The following MYO3A variants were observed in gnomAD, a reference collection of about 807,000 sequenced individuals.
The protein encoded by MYO3A is myosin-IIIa.
MYO3A carries 180 observed loss-of-function variants against 192.7 expected under a neutral mutation model. The observed-to-expected ratio is 0.93, with a 90% confidence interval of 0.83 to 1.06. The LOEUF is 1.06. Among genes scored for constraint, MYO3A ranks in the 50% least tolerant of loss-of-function variants. The probability of loss-of-function intolerance (pLI) is 0.00; values close to 1 mark genes in which losing one functional copy is unlikely to be tolerated. For synonymous variants in MYO3A, 628 were observed against 645.3 expected (o/e 0.97, Z 0.41); for missense variants, 1,896 against 1,905.0 (o/e 1.00, Z 0.09).
In MYO3A at chr10:26,201,271, A is replaced by G. The variant is rs767131198; in HGVS notation, c.4552A>G (p.Ile1518Val). 6.4e-7 allele frequency: 1 copy of G among 1,572,402 alleles called. No individual in the cohort carries two copies. The highest frequency in any genetic ancestry group is 8.7e-7 in the Non-Finnish European group (1 of 1,148,654). The change falls in exon 33 of 35, where the codon ATC (isoleucine) becomes GTC (valine). Residue 1518 changes from isoleucine (I) to valine (V), a missense_variant. By Grantham distance (29) the Ile-to-Val change is conservative. Transcript: ENST00000642920. ...GAATTCTTCTTTCCTTTAGAAGTCA[A>G]TCCAAGAAGAAAAACGAAGACCAAG... ...STYYYLLHKS[I>V]QEEKRRPRKD... is the part of the protein sequence containing the mutation.
At position 26,128,501 on chromosome 10, in the gene MYO3A, A is replaced by T. The variant is rs767458875; in HGVS notation, c.2225A>T (p.Gln742Leu). ...LCINIANEQI[Q>L]YYYNQHVFAW... ...ATTAACATTGCAAATGAACAAATTCAGTATTATTATAATCAACATGTGTTT... is the reference window on the plus strand; with the variant it reads ...ATTAACATTGCAAATGAACAAATTCTGTATTATTATAATCAACATGTGTTT... The change falls in exon 20 of 35, where the codon CAG becomes CTG. Residue 742 changes from glutamine (Q) to leucine (L), a missense_variant. Physicochemically the swap from Gln to Leu is moderately radical, Grantham distance 113. Coordinates refer to ENST00000642920, the MANE Select transcript of MYO3A (RefSeq NM_017433.5). The T allele has an allele frequency of 5.6e-6, 9 of 1,612,770 alleles. No homozygotes were observed. The highest frequency in any genetic ancestry group is 7.6e-6 in the Non-Finnish European group (9 of 1,179,192).
intron 10 of MYO3A, among the ~76,000 whole-genome samples, chr10:26,042,788 T>C (rs573505770): frequency 6.6e-6 from 1 of 152,334 alleles, no homozygotes; most frequent in African/African-American, 2.4e-5. Flanking sequence ...GTCACATACC[T>C]CTCTTTCTCC....
intron 31 of MYO3A, among the ~76,000 whole-genome samples, chr10:26,189,143 C>G (rs1004313971): frequency 1.3e-5 from 2 of 152,132 alleles, no homozygotes; most frequent in African/African-American, 4.8e-5. Context: ...TAGGAAGAAT[C>G]AATATTGTGA....
chr10:25,978,543 C>T (rs1839102700), intron 4 of MYO3A, among the ~76,000 whole-genome samples: 1 of 152,112 alleles, frequency 6.6e-6, no homozygotes, highest in African/African-American at 2.4e-5. Flanking sequence ...GTCTCTTCCA[C>T]AACACATGGA....
intron 1 of MYO3A, among the ~76,000 whole-genome samples, chr10:25,935,389 G>A (rs1351856499): frequency 1.3e-5 from 2 of 152,124 alleles, no homozygotes. Flanking sequence ...CTGTTGTAAT[G>A]CCACTGAACC....
At chr10:26,140,576 C>T (rs1164464000) in intron 20 of MYO3A, among the ~76,000 whole-genome samples, 4 of 151,452 alleles carry the variant, frequency 2.6e-5, no homozygotes, top group Non-Finnish European at 4.4e-5. Context: ...CCCAGCTACT[C>T]GGGAGGCTGA....
intron 10 of MYO3A, among the ~76,000 whole-genome samples, chr10:26,031,892 CATAA>C (rs1290342710): frequency 3.9e-5 from 6 of 152,164 alleles, no homozygotes; most frequent in East Asian, 1.9e-4. Context: ...TGTCATTCCT[CATAA>C]ATAAAGAAAA....
At chr10:26,154,478 C>T (rs951983886) in intron 24 of MYO3A, among the ~76,000 whole-genome samples, 1 of 152,186 alleles carries the variant, frequency 6.6e-6, no homozygotes, top group Admixed American at 6.6e-5. Flanking sequence ...CCATGCCTAG[C>T]CCTTTTTTAG....
At chr10:26,094,666 C>T (rs368666711) in intron 15 of MYO3A, among the ~76,000 whole-genome samples, 10 of 152,166 alleles carry the variant, frequency 6.6e-5, no homozygotes, top group South Asian at 2.1e-4. Flanking sequence ...CCTTGTGATC[C>T]GCCCACCTCG....
At chr10:25,989,063 A>G (rs1311596839) in intron 4 of MYO3A, among the ~76,000 whole-genome samples, 1 of 149,224 alleles carries the variant, frequency 6.7e-6, no homozygotes, top group African/African-American at 2.5e-5. Flanking sequence ...GCCTCAGCCT[A>G]CCAAGTAGCT....
At chr10:25,974,495 G>C (rs1345449572) in intron 4 of MYO3A, among the ~76,000 whole-genome samples, 2 of 152,074 alleles carry the variant, frequency 1.3e-5, no homozygotes, top group African/African-American at 4.8e-5. Flanking sequence ...GGAGTTCTTT[G>C]TTCTTATGAC....
intron 27 of MYO3A, among the ~76,000 whole-genome samples, chr10:26,168,297 A>T (rs961872359): frequency 1.3e-5 from 2 of 152,226 alleles, no homozygotes; most frequent in Admixed American, 1.3e-4. Flanking sequence ...TAACGGAACT[A>T]TAATTCTGTC....
Position 25,975,394 on chromosome 10 carries a change from T to C in MYO3A, c.303+20386T>C, listed in dbSNP as rs576295651. Among the ~76,000 whole-genome samples the C allele has an allele frequency of 1.4e-4, 21 of 152,284 alleles. No individual in the cohort carries two copies. The South Asian group carries it at 3.7e-3, about 27-fold the overall frequency. On this transcript the variant is annotated intron_variant, in intron 4 of 34. Transcript: ENST00000642920. ...TGAATTAAATAATGGAGCAAGTATC[T>C]CAAAAGGGCTGCTTTCTGTTTAATC...
intron 34 of MYO3A, among the ~76,000 whole-genome samples, chr10:26,206,676 T>G (rs1843969196): frequency 6.6e-6 from 1 of 151,860 alleles, no homozygotes; most frequent in Non-Finnish European, 1.5e-5. Context: ...CTCAAACTCC[T>G]GACCTCAGGT....
At chr10:25,941,535 C>G in intron 2 of MYO3A, among the ~76,000 whole-genome samples, 1 of 152,160 alleles carries the variant, frequency 6.6e-6, no homozygotes, top group Non-Finnish European at 1.5e-5. Context: ...TATCTTTTAA[C>G]TTGTTTTTCA....
rs143749728 is a variant in MYO3A, at chr10:26,070,188, A to G, written c.1248A>G (p.Gln416=). The part of the protein sequence containing the change: ...HIFAMADLGY[Q]SMITYNSDQC... ...TTGCAATGGCTGACTTAGGATATCA[A>G]TCTATGATAACATATAATTCAGATC... The change falls in exon 13 of 35, where the codon CAA becomes CAG. Residue 416 remains glutamine (Q), a synonymous_variant. Transcript: ENST00000642920. 5.8e-5 allele frequency: 94 copies of G among 1,611,142 alleles called. No homozygotes were observed. The African/African-American group carries it at 1.1e-3, about 19-fold the overall frequency.
intron 10 of MYO3A, among the ~76,000 whole-genome samples, chr10:26,052,323 T>G (rs1398266635): frequency 6.6e-6 from 1 of 152,104 alleles, no homozygotes; most frequent in Admixed American, 6.6e-5. Flanking sequence ...AAGAAGTAAA[T>G]GTGAAAGAGA....
chr10:26,052,653 A>G (rs781710381), intron 10 of MYO3A, among the ~76,000 whole-genome samples: 35 of 152,216 alleles, frequency 2.3e-4, no homozygotes, highest in Non-Finnish European at 8.8e-5. Flanking sequence ...CATTGCTTGG[A>G]TTTATGTTTA....
At chr10:26,139,630 G>A (rs935212755) in intron 20 of MYO3A, among the ~76,000 whole-genome samples, 3 of 152,184 alleles carry the variant, frequency 2.0e-5, no homozygotes, top group African/African-American at 4.8e-5. Context: ...GGTGGCTCAT[G>A]CCTATAATCC....
Sources: gnomAD v4.1 joint callset for allele counts (sites outside exome capture counted in the v4.1 genomes callset) on GRCh38, gnomAD v4.1.1 for gene constraint, MANE v1.5 for transcripts, NCBI Gene and HGNC (gene_info 2026-07-23, HGNC 2026-07-21) for gene names.